Variants in GRIP2 observed in about 807,000 individuals in gnomAD.
GRIP2 encodes glutamate receptor-interacting protein 2.
Under a neutral mutation model 108.3 loss-of-function variants are expected in GRIP2, and 58 were observed. The observed-to-expected ratio is 0.54, with a 90% CI of 0.43 to 0.67. The LOEUF (loss-of-function observed/expected upper bound fraction) is 0.67. GRIP2 is among the 30% of genes least tolerant of loss of function. GRIP2 has a pLI of 0.00. For synonymous variants in GRIP2, 586 were observed against 598.2 expected (o/e 0.98, Z 0.30); for missense variants, 1,278 against 1,430.6 (o/e 0.89, Z 1.72).
At chr3:14,590,165 T>C in the GRIP2 span, among the ~76,000 whole-genome samples, 1 of 152,222 alleles carries the variant, frequency 6.6e-6, no homozygotes, top group African/African-American at 2.4e-5. Context: ...TTCCTAATGC[T>C]AACAGAATAA....
At chr3:14,556,740 C>T (rs1225153002), upstream of GRIP2, among the ~76,000 whole-genome samples, 1 of 152,254 alleles carries the variant, frequency 6.6e-6, no homozygotes, top group Non-Finnish European at 1.5e-5. Flanking sequence ...ACGCATCCAG[C>T]ATCCCTTCTT....
rs376032044 is a variant in GRIP2 at position 14,506,965 on chromosome 3, C to T, written c.2234G>A (p.Arg745His). ...KKQLDRPLLP[R>H]KSGSLSETSD... is the part of the protein sequence containing the mutation. ...GGTCTCACTGAGGCTGCCCGACTTG[C>T]GGGGTAGGAGGGGACCTGGGAGGAG... Residue 745 changes from arginine (R) to histidine (H), a missense_variant, in exon 19 of 24, where the codon CGC becomes CAC. Coordinates refer to ENST00000621039, the MANE Select transcript of GRIP2 (RefSeq NM_001080423.4). The T allele has an allele frequency of 9.4e-6, 15 of 1,603,616 alleles. No homozygotes were observed. Among genetic ancestry groups the T allele is most frequent in the Admixed American group, 3.4e-5 (2 of 58,614 alleles).
chr3:14,515,709 CA>C (rs144709889), intron 11 of GRIP2, among the ~76,000 whole-genome samples: 6,948 of 152,166 alleles, frequency 0.046, 234 homozygotes, highest in East Asian at 0.15. Flanking sequence ...CACCTCGGCT[CA>C]CTGCAACCTC....
chr3:14,515,880 C>T (rs4260411), intron 11 of GRIP2, among the ~76,000 whole-genome samples: 57,615 of 151,822 alleles, frequency 0.38, 11,782 homozygotes, highest in East Asian at 0.57. Context: ...ATCTGCCCAC[C>T]TCGGCCTCCC....
chr3:14,512,715 G>A lies in GRIP2; in HGVS notation c.1720+62C>T. The A allele has an allele frequency of 6.7e-7, 1 of 1,491,850 alleles. No homozygotes were observed. Among genetic ancestry groups the A allele is most frequent in the East Asian group, 2.3e-5 (1 of 43,886 alleles). The allele number at this position is 1,491,850 out of a possible 1,614,324, so 92.4% of individuals were successfully genotyped here. A position where few individuals can be genotyped will look rare whatever the true frequency, so the allele number is the denominator to read the frequency against. On this transcript the variant is annotated intron_variant, in intron 14 of 23. Transcript: ENST00000621039. The surrounding 1 kb of genome is among the most constrained non-coding windows in gnomAD (Gnocchi z 5.1). ...GGAAATGCTGGTCTGAGCTTGGCAAGCTCTTTTTCCCCAGCAGTTGAGCTC... is the reference window on the plus strand; with the variant it reads ...GGAAATGCTGGTCTGAGCTTGGCAAACTCTTTTTCCCCAGCAGTTGAGCTC...
At chr3:14,541,996 C>T (rs749023328), upstream of GRIP2, 4 of 1,352,748 alleles carry the variant, frequency 3.0e-6, no homozygotes, top group East Asian at 1.9e-4. Context: ...GGAAGGAATG[C>T]ATGTGAACTG....
chr3:14,567,517 T>G, the GRIP2 span, among the ~76,000 whole-genome samples: 2 of 152,098 alleles, frequency 1.3e-5, no homozygotes, highest in African/African-American at 4.8e-5. Flanking sequence ...AGGTTCAGGA[T>G]GATGCCACCA....
chr3:14,573,886 G>A, the GRIP2 span: 2 of 1,236,416 alleles, frequency 1.6e-6, no homozygotes, highest in Non-Finnish European at 2.4e-6. Flanking sequence ...GAGGTCTGCA[G>A]GCAGCCCGAC....
Position 14,521,729 on chromosome 3 carries a change from C to G in GRIP2, c.625G>C (p.Gly209Arg). 6.8e-6 allele frequency: 11 copies of G among 1,610,278 alleles called. No individual in the cohort carries two copies. The highest frequency in any genetic ancestry group is 9.3e-6 in the Non-Finnish European group (11 of 1,178,786). The change falls in exon 7 of 24, where the codon GGG becomes CGG. Residue 209 changes from glycine (G) to arginine (R), a missense_variant. Gly to Arg is a moderately radical substitution (Grantham distance 125, BLOSUM62 -2). Coordinates refer to ENST00000621039, the MANE Select transcript of GRIP2 (RefSeq NM_001080423.4). This position sits in a 1 kb window ranked among gnomAD's most constrained non-coding sequence, Gnocchi z 5.1. The stretch of plus-strand genomic sequence containing the variant: ...GCCAGGGCGGTGGCATGGCTGGCCC[C>G]GTGCAGCGGGATTCCATCGACACTG... Reference protein sequence around the residue: ...LLSVDGIPLHGASHATALATL... With the variant: ...LLSVDGIPLHRASHATALATL...
chr3:14,569,802 T>G, the GRIP2 span, among the ~76,000 whole-genome samples: 2 of 152,176 alleles, frequency 1.3e-5, no homozygotes, highest in African/African-American at 4.8e-5. Flanking sequence ...CATTTTTAAC[T>G]TCAAGGACCA....
At chr3:14,519,999 C>T (rs1255095856) in intron 9 of GRIP2, 111 bp downstream of exon 9, 2 of 1,040,068 alleles carry the variant, frequency 1.9e-6, no homozygotes, top group Non-Finnish European at 2.8e-6. Context: ...GAGGATTTGT[C>T]CTAGTACATT....
upstream of GRIP2, among the ~76,000 whole-genome samples, chr3:14,557,873 C>G (rs1695261048): frequency 6.6e-6 from 1 of 152,258 alleles, no homozygotes; most frequent in Non-Finnish European, 1.5e-5. Flanking sequence ...GTTTCCTCAT[C>G]TGACAGATGG....
chr3:14,552,962 C>T (rs558399587), intron 1 of GRIP2, among the ~76,000 whole-genome samples: 5 of 152,262 alleles, frequency 3.3e-5, no homozygotes, highest in East Asian at 1.9e-4. Flanking sequence ...TCCATGGCTC[C>T]CACTGCCCCC....
chr3:14,579,490 G>A, the GRIP2 span, among the ~76,000 whole-genome samples: 6 of 152,136 alleles, frequency 3.9e-5, no homozygotes, highest in Admixed American at 2.6e-4. Flanking sequence ...ATGGGAGGAC[G>A]GGCATGTAGG....
intron 1 of GRIP2, among the ~76,000 whole-genome samples, chr3:14,552,436 A>C (rs1484848660): frequency 6.6e-6 from 1 of 152,162 alleles, no homozygotes; most frequent in African/African-American, 2.4e-5. Context: ...ATGACGTAAT[A>C]GATGCTCAAT....
At chr3:14,540,845 C>A (rs2124961970), upstream of GRIP2, among the ~76,000 whole-genome samples, 1 of 152,346 alleles carries the variant, frequency 6.6e-6, no homozygotes, top group Admixed American at 6.5e-5. This position sits in a 1 kb window ranked among gnomAD's most constrained non-coding sequence, Gnocchi z 4.1. Context: ...AGCTTGGAGA[C>A]CCTCCAGGGC....
chr3:14,561,330 C>T, the GRIP2 span, among the ~76,000 whole-genome samples: 148 of 152,348 alleles, frequency 9.7e-4, 4 homozygotes, highest in South Asian at 0.03. Flanking sequence ...TACTGTGTGG[C>T]CTCGAGCAAG....
chr3:14,522,647 A>G lies in GRIP2; in HGVS notation c.566+353T>C, dbSNP rs1694444908. The G allele has an allele frequency of 1.2e-5, 3 of 245,110 alleles. No individual in the cohort carries two copies. Among genetic ancestry groups the G allele is most frequent in the Admixed American group, 1.0e-4 (2 of 19,874 alleles). 15.2% of individuals were successfully genotyped at this position (245,110 alleles called of 1,614,324 possible). On this transcript the variant is annotated intron_variant, in intron 6 of 23. Transcript: ENST00000621039. The surrounding 1 kb of genome is among the most constrained non-coding windows in gnomAD (Gnocchi z 4.3). Reference sequence around the variant, plus strand: ...AGACTGAGTCACAGACGGCTACAGCAGTGGCCAATCAGCGTGCCCCCAAAT... The same window carrying G: ...AGACTGAGTCACAGACGGCTACAGCGGTGGCCAATCAGCGTGCCCCCAAAT...
chr3:14,559,768 A>G (rs148448717), upstream of GRIP2, among the ~76,000 whole-genome samples: 165 of 152,298 alleles, frequency 1.1e-3, no homozygotes, highest in African/African-American at 3.7e-3. Flanking sequence ...CCTGTCCTCT[A>G]AAAACTCCTG....
Sources: allele counts gnomAD v4.1 joint callset (sites outside exome capture counted in the v4.1 genomes callset), GRCh38; gene constraint gnomAD v4.1.1; non-coding constraint Gnocchi (gnomAD v3.1); transcripts MANE v1.5; gene names NCBI Gene and HGNC (gene_info 2026-07-23, HGNC 2026-07-21).